ARHGEF6: variants seen among roughly 807,000 people sequenced by gnomAD.
The protein encoded by ARHGEF6 is rho guanine nucleotide exchange factor 6.
Under a neutral mutation model 70.3 loss-of-function variants are expected in ARHGEF6, and 9 were observed. The observed-to-expected ratio is 0.13, with a 90% CI of 0.08 to 0.22. The LOEUF (loss-of-function observed/expected upper bound fraction) is 0.22, where lower values mean the gene tolerates loss of function less well. Ranked by LOEUF, ARHGEF6 falls within the 10% of genes least tolerant of loss-of-function variation. The probability of loss-of-function intolerance (pLI) is 1.00; values close to 1 mark genes in which losing one functional copy is unlikely to be tolerated. For missense variants in ARHGEF6, 470 were observed against 563.0 expected, an observed-to-expected ratio of 0.83 and a Z score of 1.67; for synonymous variants, 201 against 207.8, an observed-to-expected ratio of 0.97 and a Z score of 0.28.
chrX:136,736,618 G>GGTGTGTGTAT (rs1556295146), intron 5 of ARHGEF6, among the ~76,000 whole-genome samples: 1 of 103,708 alleles, frequency 9.6e-6, no homozygotes, highest in Non-Finnish European at 2.0e-5. Flanking sequence ...GTTAAAAAGA[G>GGTGTGTGTAT]GTGTGTGTGT....
At chrX:136,674,950 A>G (rs2076263133) in intron 19 of ARHGEF6, 57 bp downstream of exon 19, 1 of 1,096,972 alleles carries the variant, frequency 9.1e-7, no homozygotes, top group African/African-American at 1.8e-5. Context: ...TCTAAAAGAC[A>G]CTAAACAGTA....
At chrX:136,776,035 C>A (rs1278440347) in intron 2 of ARHGEF6, among the ~76,000 whole-genome samples, 1 of 111,561 alleles carries the variant, frequency 9.0e-6, no homozygotes, top group East Asian at 2.8e-4. Context: ...TGAAAGAAAT[C>A]ATAGATGACA....
Position 136,708,669 on chromosome X carries a change from A to C in ARHGEF6, c.923+6T>G. The C allele has an allele frequency of 8.4e-7, 1 of 1,192,970 alleles. No individual in the cohort carries two copies. Among genetic ancestry groups the C allele is most frequent in the Non-Finnish European group, 1.1e-6 (1 of 879,763 alleles). On this transcript the variant is annotated splice_donor_region_variant and intron_variant, in intron 8 of 21. Transcript: ENST00000250617. ...GGCTATCCTATCAGAAATATGCCAC[A>C]CTTACTTTGAACATTCTTCCAAGGC...
intron 2 of ARHGEF6, chrX:136,767,244 G>A (rs949333482): frequency 1.3e-6 from 1 of 755,053 alleles, no homozygotes; most frequent in Non-Finnish European, 1.6e-6. Flanking sequence ...TCACGGGGCC[G>A]GCGAGCGGGC....
At chrX:136,772,975 G>A (rs2148686889) in intron 2 of ARHGEF6, among the ~76,000 whole-genome samples, 1 of 111,812 alleles carries the variant, frequency 8.9e-6, no homozygotes, top group African/African-American at 3.3e-5. Context: ...AGACTTTCCT[G>A]ATCAGTTACT....
intron 17 of ARHGEF6, among the ~76,000 whole-genome samples, chrX:136,677,379 A>G (rs1300333548): frequency 8.9e-6 from 1 of 112,111 alleles, no homozygotes; most frequent in South Asian, 3.7e-4. Flanking sequence ...ACTAGTAGAC[A>G]AAATAAATGT....
chrX:136,778,960 T>C (rs978287281), intron 2 of ARHGEF6, among the ~76,000 whole-genome samples: 1 of 111,896 alleles, frequency 8.9e-6, no homozygotes, highest in African/African-American at 3.3e-5. Context: ...TGCCACAAAA[T>C]TTACTATACA....
At chrX:136,682,961 G>A (rs1214767203) in intron 12 of ARHGEF6, 117 bp from the exon 13 acceptor site, 3 of 574,270 alleles carry the variant, frequency 5.2e-6, no homozygotes, top group Non-Finnish European at 5.6e-6. Context: ...AACATTAACG[G>A]TAATTTTTTT....
intron 2 of ARHGEF6, chrX:136,767,102 G>A (rs2077322894): frequency 6.7e-6 from 5 of 751,128 alleles, no homozygotes; most frequent in Non-Finnish European, 7.8e-6. Context: ...GGGCCCTCGC[G>A]CGCTCCCCTT....
Position 136,675,032 on chromosome X carries a change from T to C in ARHGEF6, c.2010A>G (p.Ala670=). 1 of 1,211,785 alleles carries C rather than the reference T, an allele frequency of 8.3e-7. No homozygotes were observed. Among genetic ancestry groups the C allele is most frequent in the East Asian group, 3.0e-5 (1 of 33,866 alleles). The change falls in exon 19 of 22, where the codon GCA becomes GCG. Residue 670 remains alanine, a synonymous_variant. Coordinates refer to ENST00000250617, the MANE Select transcript of ARHGEF6 (RefSeq NM_004840.3). The part of the protein sequence containing the change: ...LKVIEAYCTS[A]NFQQGHGSST... ...TTGAGCCATGGCCTTGTTGAAAATT[T>C]GCGCTGGTGCAGTAGGCTTCGATCA...
chrX:136,767,782 A>T, intron 2 of ARHGEF6: 1 of 754,917 alleles, frequency 1.3e-6, no homozygotes. Context: ...GCGGGTAAGC[A>T]GTGACCCGGA....
At chrX:136,767,238 G>A in intron 2 of ARHGEF6, 1 of 755,148 alleles carries the variant, frequency 1.3e-6, no homozygotes, top group Non-Finnish European at 1.6e-6. Flanking sequence ...CCCGAGTCAC[G>A]GGGCCGGCGA....
At chrX:136,742,354 T>A (rs1419329013) in intron 5 of ARHGEF6, among the ~76,000 whole-genome samples, 4 of 111,465 alleles carry the variant, frequency 3.6e-5, no homozygotes, top group Non-Finnish European at 5.7e-5. Flanking sequence ...GAGTCAACCG[T>A]ATATTTCCAG....
chrX:136,729,889 AT>A (rs1310102669), intron 6 of ARHGEF6, among the ~76,000 whole-genome samples: 9 of 110,545 alleles, frequency 8.1e-5, no homozygotes, highest in Non-Finnish European at 1.1e-4. Context: ...TTATTTAAAA[AT>A]TTATATACAC....
intron 17 of ARHGEF6, 37 bp downstream of exon 17, chrX:136,677,899 A>G: frequency 1.8e-6 from 2 of 1,125,941 alleles, no homozygotes; most frequent in Non-Finnish European, 2.4e-6. Flanking sequence ...CAGCATTATG[A>G]TGTCACTGTA....
At chrX:136,730,774 C>T (rs1446478808) in intron 6 of ARHGEF6, among the ~76,000 whole-genome samples, 1 of 111,483 alleles carries the variant, frequency 9.0e-6, no homozygotes, top group East Asian at 2.8e-4. Context: ...TGCAGCATGT[C>T]CAGAGTTCGA....
chrX:136,729,954 T>C (rs1277602356), intron 6 of ARHGEF6, among the ~76,000 whole-genome samples: 1 of 110,974 alleles, frequency 9.0e-6, no homozygotes, highest in Non-Finnish European at 1.9e-5. Context: ...TATATACACT[T>C]ACACCTACCT....
chrX:136,710,536 C>G (rs2076674839), intron 7 of ARHGEF6, among the ~76,000 whole-genome samples: 1 of 108,813 alleles, frequency 9.2e-6, no homozygotes, highest in Admixed American at 1.0e-4. Flanking sequence ...CTTTAGCCAA[C>G]CAACTTCCCT....
chrX:136,774,854 A>G (rs1238789182), intron 2 of ARHGEF6, among the ~76,000 whole-genome samples: 3 of 109,554 alleles, frequency 2.7e-5, no homozygotes, highest in African/African-American at 1.0e-4. Context: ...AAATAGAGAG[A>G]GAGAAAGAAA....
Sources: allele counts gnomAD v4.1 joint callset (sites outside exome capture counted in the v4.1 genomes callset), GRCh38; gene constraint gnomAD v4.1.1; transcripts MANE v1.5; gene names NCBI Gene and HGNC (gene_info 2026-07-23, HGNC 2026-07-21).